Variants in USP25 observed in about 807,000 individuals in gnomAD.
The protein encoded by USP25 is ubiquitin specific peptidase 25.
A neutral mutation model predicts 158.5 loss-of-function variants in USP25; 85 were observed. The observed-to-expected ratio is 0.54, with a 90% CI of 0.45 to 0.64. USP25 has a LOEUF of 0.64. Among genes scored for constraint, USP25 ranks in the 30% least tolerant of loss-of-function variants. The probability of loss-of-function intolerance (pLI) is 0.00; values close to 1 mark genes in which losing one functional copy is unlikely to be tolerated. For synonymous variants in USP25, 464 were observed against 460.4 expected (o/e 1.01, Z -0.10); for missense variants, 1,242 against 1,327.3 (o/e 0.94, Z 1.00).
intron 20 of USP25, among the ~76,000 whole-genome samples, chr21:15,856,755 G>A (rs2039168132): frequency 6.6e-6 from 1 of 152,186 alleles, no homozygotes; most frequent in African/African-American, 2.4e-5. Flanking sequence ...ACAGGCGTGA[G>A]CCACCGCACC....
chr21:15,742,691 C>A (rs2032168581), intron 1 of USP25, among the ~76,000 whole-genome samples: 1 of 152,166 alleles, frequency 6.6e-6, no homozygotes, highest in Admixed American at 6.5e-5. Context: ...TTAAAATCCT[C>A]AATTTTTGGA....
At chr21:15,850,506 A>G (rs2038835970) in intron 20 of USP25, among the ~76,000 whole-genome samples, 1 of 151,250 alleles carries the variant, frequency 6.6e-6, no homozygotes, top group Non-Finnish European at 1.5e-5. Flanking sequence ...AGATGAAAAT[A>G]CCATGTATGT....
intron 1 of USP25, among the ~76,000 whole-genome samples, chr21:15,731,144 A>G (rs566074538): frequency 2.0e-5 from 3 of 152,164 alleles, no homozygotes; most frequent in African/African-American, 7.2e-5. Context: ...CTCACTAAAG[A>G]AAACAATTAA....
At chr21:15,831,318 A>G in intron 15 of USP25, 83 bp from the exon 16 acceptor site, 3 of 1,326,514 alleles carry the variant, frequency 2.3e-6, no homozygotes, top group Non-Finnish European at 3.2e-6. Flanking sequence ...TTTTCTCCAA[A>G]CAGGTTGTTT....
intron 18 of USP25, among the ~76,000 whole-genome samples, chr21:15,846,864 A>G (rs1170450551): frequency 2.6e-5 from 4 of 152,146 alleles, no homozygotes; most frequent in African/African-American, 7.2e-5. Context: ...TTTGAATGAA[A>G]TTTTCTGAAT....
At chr21:15,825,162 A>G in intron 12 of USP25, 101 bp downstream of exon 12, 2 of 812,476 alleles carry the variant, frequency 2.5e-6, no homozygotes, top group Non-Finnish European at 1.9e-6. Context: ...TTATAATTTT[A>G]GGAGTAGTTA....
At chr21:15,830,423 G>C in intron 14 of USP25, 108 bp from the exon 15 acceptor site, 1 of 868,492 alleles carries the variant, frequency 1.2e-6, no homozygotes, top group Non-Finnish European at 1.7e-6. Context: ...AAAGTTTTAG[G>C]AAAATTTTCC....
At chr21:15,869,234 T>TGA (rs1203718461) in intron 22 of USP25, among the ~76,000 whole-genome samples, 1 of 146,774 alleles carries the variant, frequency 6.8e-6, no homozygotes, top group African/African-American at 2.6e-5. Context: ...GGCAACTGAG[T>TGA]GAGACCCTGT....
At chr21:15,803,348 A>T (rs1205700115) in intron 6 of USP25, among the ~76,000 whole-genome samples, 1 of 151,828 alleles carries the variant, frequency 6.6e-6, no homozygotes, top group African/African-American at 2.4e-5. Context: ...GAAGCAAAGA[A>T]TTGTAGCAAA....
At chr21:15,796,691 T>G (rs1318398226) in intron 5 of USP25, among the ~76,000 whole-genome samples, 1 of 151,466 alleles carries the variant, frequency 6.6e-6, no homozygotes, top group Non-Finnish European at 1.5e-5. Context: ...GACCTGAGAC[T>G]GTGACTCTAG....
At chr21:15,830,288 C>T (rs1398626779) in intron 14 of USP25, among the ~76,000 whole-genome samples, 1 of 152,058 alleles carries the variant, frequency 6.6e-6, no homozygotes, top group Non-Finnish European at 1.5e-5. Context: ...CTTTTATTGG[C>T]TCTGCACATT....
intron 22 of USP25, among the ~76,000 whole-genome samples, chr21:15,868,821 T>C (rs375348094): frequency 7.6e-4 from 116 of 152,272 alleles, no homozygotes; most frequent in Middle Eastern, 3.4e-3. Flanking sequence ...ACTTCTAAGG[T>C]GATTCTAATG....
At chr21:15,772,301 T>G (rs1204828942) in intron 3 of USP25, among the ~76,000 whole-genome samples, 1 of 152,190 alleles carries the variant, frequency 6.6e-6, no homozygotes, top group Non-Finnish European at 1.5e-5. Flanking sequence ...GTATCACGTT[T>G]TGATATATAT....
chr21:15,855,687 G>A (rs1173465056), intron 20 of USP25, among the ~76,000 whole-genome samples: 1 of 152,170 alleles, frequency 6.6e-6, no homozygotes, highest in Non-Finnish European at 1.5e-5. Context: ...TACACATCCT[G>A]CCTTTAGGCT....
chr21:15,825,109 A>AT, intron 12 of USP25, 48 bp downstream of exon 12: 1 of 1,368,322 alleles, frequency 7.3e-7, no homozygotes, highest in Non-Finnish European at 1.0e-6. Flanking sequence ...GAAACCATGT[A>AT]TTTGGTGACT....
chr21:15,821,351 G>T (rs2037225681), intron 10 of USP25, among the ~76,000 whole-genome samples: 1 of 151,846 alleles, frequency 6.6e-6, no homozygotes, highest in Non-Finnish European at 1.5e-5. Context: ...ATCCTGTAAG[G>T]CAGTAACTCG....
chr21:15,781,453 A>G (rs965317939), intron 4 of USP25, among the ~76,000 whole-genome samples: 1 of 152,226 alleles, frequency 6.6e-6, no homozygotes, highest in Non-Finnish European at 1.5e-5. Flanking sequence ...GGCTAAAATT[A>G]AAAAGACTGA....
At chr21:15,812,140 AAT>A (rs907277802) in intron 9 of USP25, among the ~76,000 whole-genome samples, 1 of 150,598 alleles carries the variant, frequency 6.6e-6, no homozygotes, top group Non-Finnish European at 1.5e-5. Flanking sequence ...TATATGAGTT[AAT>A]ATATATAAGT....
chr21:15,751,594 T>C (rs1000797629), intron 1 of USP25, among the ~76,000 whole-genome samples: 3 of 152,198 alleles, frequency 2.0e-5, no homozygotes, highest in Non-Finnish European at 4.4e-5. Context: ...TAAATACATA[T>C]TTTATTTAAA....
Sources: allele counts gnomAD v4.1 joint callset (sites outside exome capture counted in the v4.1 genomes callset), GRCh38; gene constraint gnomAD v4.1.1; transcripts MANE v1.5; gene names NCBI Gene and HGNC (gene_info 2026-07-23, HGNC 2026-07-21).